The following AP3B1 variants were observed in gnomAD, a reference collection of about 807,000 sequenced individuals.
The protein encoded by AP3B1 is AP-3 complex subunit beta-1.
In AP3B1, 61 loss-of-function variants were observed where a neutral mutation model predicts 132.5. That is an observed-to-expected ratio of 0.46 (90% CI 0.37 to 0.57). The LOEUF (loss-of-function observed/expected upper bound fraction) is 0.57, where lower values mean the gene tolerates loss of function less well. Ranked by LOEUF, AP3B1 falls within the 20% of genes least tolerant of loss-of-function variation. The probability of loss-of-function intolerance (pLI) is 0.00; values close to 1 mark genes in which losing one functional copy is unlikely to be tolerated. For missense variants in AP3B1, 1,120 were observed against 1,289.4 expected (o/e 0.87, Z 2.01); for synonymous variants, 388 against 438.3 (o/e 0.89, Z 1.43).
intron 24 of AP3B1, among the ~76,000 whole-genome samples, chr5:78,031,154 G>A (rs945180264): frequency 1.3e-5 from 2 of 152,020 alleles, no homozygotes; most frequent in South Asian, 2.1e-4. Context: ...CAGAACACTC[G>A]ATCAGTATTC....
chr5:78,006,651 C>T (rs1580229924), intron 26 of AP3B1, among the ~76,000 whole-genome samples: 1 of 152,294 alleles, frequency 6.6e-6, no homozygotes, highest in Middle Eastern at 3.4e-3. Context: ...AAAGCAGTAA[C>T]ACCACAAATG....
chr5:78,158,700 CTTCT>C (rs1743260418), intron 13 of AP3B1, among the ~76,000 whole-genome samples: 1 of 150,792 alleles, frequency 6.6e-6, no homozygotes, highest in Non-Finnish European at 1.5e-5. Flanking sequence ...GCAGGTATTA[CTTCT>C]TTTTTTTTTT....
In AP3B1 at chr5:78,294,662, C is replaced by G. The variant is rs774869942; in HGVS notation, c.-83G>C. On this transcript the variant is annotated 5_prime_UTR_variant, in exon 1 of 27. Transcript: ENST00000255194. ...CCAGTCCAGAGGGCACGGAACAAAA[C>G]TAGTTCTCGTACGGAGGAGCGCGCG... 32 of 1,603,094 alleles carry G rather than the reference C, an allele frequency of 2.0e-5. No individual in the cohort carries two copies. The highest frequency in any genetic ancestry group is 4.5e-5 in the East Asian group (2 of 44,806).
intron 2 of AP3B1, among the ~76,000 whole-genome samples, chr5:78,244,953 C>A (rs960973549): frequency 7.9e-5 from 12 of 152,018 alleles, no homozygotes; most frequent in African/African-American, 2.7e-4. Context: ...CAAGATCGCA[C>A]CCCTGCACTC....
intron 1 of AP3B1, among the ~76,000 whole-genome samples, chr5:78,275,479 G>T (rs1748731927): frequency 6.6e-6 from 1 of 152,056 alleles, no homozygotes; most frequent in Non-Finnish European, 1.5e-5. Flanking sequence ...AATCATGATA[G>T]GCAATTTTTT....
intron 22 of AP3B1, among the ~76,000 whole-genome samples, chr5:78,088,038 C>T (rs957453056): frequency 6.6e-6 from 1 of 152,152 alleles, no homozygotes; most frequent in African/African-American, 2.4e-5. Flanking sequence ...GGGGTTTGCA[C>T]CCTGGACATC....
intron 22 of AP3B1, among the ~76,000 whole-genome samples, chr5:78,073,434 A>G (rs1749629540): frequency 2.0e-5 from 3 of 152,138 alleles, no homozygotes; most frequent in Admixed American, 6.5e-5. Context: ...ATGCTTAAAA[A>G]CTATATTTTT....
rs535640316 is a variant in AP3B1 at position 78,138,192 on chromosome 5, G to A, written c.1650+2951C>T. On this transcript the variant is annotated intron_variant, in intron 15 of 26. Coordinates refer to ENST00000255194, the MANE Select transcript of AP3B1 (RefSeq NM_003664.5). ...TTTAAAACTAATTTTCAGGCTGGGT[G>A]CAGTGGCTCACGCCTGTAATCCCAG... 1.8e-4 allele frequency among the ~76,000 whole-genome samples: 27 copies of A among 152,304 alleles called. No homozygotes were observed. In the South Asian group the frequency reaches 5.4e-3, roughly 30 times the overall value.
chr5:78,201,443 A>G (rs1388659677), intron 7 of AP3B1, among the ~76,000 whole-genome samples: 1 of 152,222 alleles, frequency 6.6e-6, no homozygotes, highest in Non-Finnish European at 1.5e-5. Context: ...TATTCATACA[A>G]TAGACTATTA....
chr5:78,122,932 T>C lies in AP3B1; in HGVS notation c.1968+5098A>G, dbSNP rs1372411490. On this transcript the variant is annotated intron_variant, in intron 17 of 26. Coordinates refer to ENST00000255194, the MANE Select transcript of AP3B1 (RefSeq NM_003664.5). The stretch of plus-strand genomic sequence containing the variant: ...GAACAAAGCTGGAGGCATCATGCCA[T>C]CTGACTTCAAACTATACTACAAGTC... 6.2e-4 allele frequency among the ~76,000 whole-genome samples: 95 copies of C among 152,280 alleles called. 1 individual carries two copies. The South Asian group carries it at 0.016, about 25-fold the overall frequency.
chr5:78,033,262 A>G (rs1747653759), intron 24 of AP3B1, among the ~76,000 whole-genome samples: 1 of 152,068 alleles, frequency 6.6e-6, no homozygotes, highest in Admixed American at 6.6e-5. Context: ...GAAAAATAAT[A>G]AACAATTACT....
intron 7 of AP3B1, among the ~76,000 whole-genome samples, chr5:78,185,796 A>T (rs1166272982): frequency 6.6e-6 from 1 of 152,092 alleles, no homozygotes; most frequent in South Asian, 2.1e-4. Flanking sequence ...CTGGAGCCCA[A>T]TACTTTGAGG....
intron 6 of AP3B1, 65 bp downstream of exon 6, chr5:78,225,477 T>C (rs1358237544): frequency 2.3e-6 from 2 of 851,966 alleles, no homozygotes; most frequent in Non-Finnish European, 3.8e-6. Flanking sequence ...AAATATATAA[T>C]GGTAAATGAT....
chr5:78,132,759 AG>A (rs1752743803), intron 15 of AP3B1, among the ~76,000 whole-genome samples: 1 of 152,172 alleles, frequency 6.6e-6, no homozygotes, highest in Admixed American at 6.5e-5. Flanking sequence ...GTGGTCAATG[AG>A]ATCACCAGCA....
At chr5:78,058,640 T>C (rs1748917370) in intron 22 of AP3B1, among the ~76,000 whole-genome samples, 1 of 152,234 alleles carries the variant, frequency 6.6e-6, no homozygotes. Flanking sequence ...ATGACTGATC[T>C]GAAAATTTCA....
intron 1 of AP3B1, among the ~76,000 whole-genome samples, chr5:78,269,036 C>T (rs1748444291): frequency 6.6e-6 from 1 of 152,304 alleles, no homozygotes; most frequent in Non-Finnish European, 1.5e-5. Flanking sequence ...CCTCAAAATA[C>T]ATTAACTTTT....
chr5:78,123,940 A>T (rs1377876831), intron 17 of AP3B1, among the ~76,000 whole-genome samples: 1 of 152,270 alleles, frequency 6.6e-6, no homozygotes. Context: ...AAAGACTTGG[A>T]ACCAACACAA....
At chr5:78,120,765 T>C (rs954010728) in intron 17 of AP3B1, among the ~76,000 whole-genome samples, 1 of 152,054 alleles carries the variant, frequency 6.6e-6, no homozygotes, top group Non-Finnish European at 1.5e-5. Context: ...CACCCTACTG[T>C]CAACATTAAA....
At chr5:78,065,785 C>G (rs367808902) in intron 22 of AP3B1, among the ~76,000 whole-genome samples, 10 of 152,158 alleles carry the variant, frequency 6.6e-5, no homozygotes, top group African/African-American at 2.2e-4. Flanking sequence ...TTCCCGCCCC[C>G]GCACAGAGCA....
Sources: gnomAD v4.1 joint callset for allele counts (sites outside exome capture counted in the v4.1 genomes callset) on GRCh38, gnomAD v4.1.1 for gene constraint, MANE v1.5 for transcripts, NCBI Gene and HGNC (gene_info 2026-07-23, HGNC 2026-07-21) for gene names.